OLFML2A: variants seen among roughly 807,000 people sequenced by gnomAD.
OLFML2A encodes the protein olfactomedin-like protein 2A.
A neutral mutation model predicts 60.9 loss-of-function variants in OLFML2A; 47 were observed. The observed-to-expected ratio is 0.77, with a 90% CI of 0.61 to 0.98. The LOEUF is 0.98. Ranked by LOEUF, OLFML2A falls within the 50% of genes least tolerant of loss-of-function variation. OLFML2A has a pLI of 0.00. For synonymous variants in OLFML2A, 372 were observed against 375.0 expected (o/e 0.99, Z 0.09); for missense variants, 922 against 879.8 (o/e 1.05, Z -0.61).
rs1842065628 is a variant in OLFML2A at position 124,813,789 on chromosome 9, G to A, written c.*3377G>A. 1 of 151,296 alleles carries A rather than the reference G, an allele frequency of 6.6e-6. No homozygotes were observed. The highest frequency in any genetic ancestry group is 2.4e-5 in the African/African-American group (1 of 41,434). The allele number at this position is 151,296 out of a possible 1,614,324, so 9.4% of individuals were successfully genotyped here. The stretch of plus-strand genomic sequence containing the variant: ...GAGGAAGGGAAAGGTTTTTCTTGTA[G>A]GGAACTGGAACCAGCCCACAACTGC... On this transcript the variant is annotated 3_prime_UTR_variant, in exon 8 of 8. Transcript: ENST00000373580.
intron 1 of OLFML2A, among the ~76,000 whole-genome samples, chr9:124,778,309 C>G (rs1274654232): frequency 6.6e-6 from 1 of 150,618 alleles, no homozygotes; most frequent in Non-Finnish European, 1.5e-5. Flanking sequence ...TGCAGTGAGC[C>G]GAGATCGCGC....
chr9:124,801,170 T>C, intron 4 of OLFML2A: 4 of 1,091,512 alleles, frequency 3.7e-6, no homozygotes, highest in Non-Finnish European at 5.3e-6. Context: ...GACAGGAATC[T>C]AACCTATCAG....
chr9:124,787,302 C>T, intron 2 of OLFML2A, 64 bp downstream of exon 2: 2 of 1,506,404 alleles, frequency 1.3e-6, no homozygotes, highest in Non-Finnish European at 1.8e-6. Flanking sequence ...GCTGTCCTGC[C>T]AGTGAAAATT....
intron 3 of OLFML2A, among the ~76,000 whole-genome samples, 196 bp from the exon 4 acceptor site, chr9:124,799,089 T>A (rs768209244): frequency 2.6e-5 from 4 of 152,240 alleles, no homozygotes; most frequent in Non-Finnish European, 5.9e-5. Context: ...ATTCCTTCAC[T>A]TTTTAAATTT....
At chr9:124,786,437 C>G (rs1588879230) in intron 1 of OLFML2A, among the ~76,000 whole-genome samples, 2 of 151,216 alleles carry the variant, frequency 1.3e-5, no homozygotes, top group East Asian at 3.9e-4. Flanking sequence ...AATACACGCA[C>G]GGGCCGGGCG....
chr9:124,809,678 C>A, intron 7 of OLFML2A, 130 bp from the exon 8 acceptor site: 1 of 1,050,522 alleles, frequency 9.5e-7, no homozygotes, highest in Non-Finnish European at 1.4e-6. Flanking sequence ...GTCATCCCAG[C>A]TCCAGGCACA....
intron 1 of OLFML2A, among the ~76,000 whole-genome samples, chr9:124,781,012 G>A (rs936897139): frequency 1.4e-4 from 21 of 152,176 alleles, no homozygotes; most frequent in Non-Finnish European, 2.2e-4. Flanking sequence ...GCTCCCAGGT[G>A]CACCCCCAGG....
At chr9:124,785,390 C>CT (rs1171618111) in intron 1 of OLFML2A, among the ~76,000 whole-genome samples, 1,397 of 62,188 alleles carry the variant, frequency 0.022, 57 homozygotes, top group African/African-American at 0.043. Flanking sequence ...CATTTTCTTT[C>CT]TTTTTTTTTT....
chr9:124,807,584 C>T (rs13289070), intron 6 of OLFML2A, among the ~76,000 whole-genome samples, 197 bp from the exon 7 acceptor site: 59,933 of 152,132 alleles, frequency 0.39, 13,444 homozygotes, highest in Non-Finnish European at 0.52. Flanking sequence ...CGCCTGGCCT[C>T]CATTCTGCTT....
chr9:124,807,082 TA>T (rs71492424), intron 6 of OLFML2A, among the ~76,000 whole-genome samples: 4 of 148,640 alleles, frequency 2.7e-5, no homozygotes, highest in African/African-American at 4.9e-5. Flanking sequence ...CTCAGCTAAT[TA>T]AAAAAATTTT....
Position 124,777,448 on chromosome 9 carries a change from C to G in OLFML2A, c.90+88C>G. On this transcript the variant is annotated intron_variant, in intron 1 of 7. Coordinates refer to ENST00000373580, the MANE Select transcript of OLFML2A (RefSeq NM_182487.4). The surrounding 1 kb of genome is among the most constrained non-coding windows in gnomAD (Gnocchi z 6.2). ...CTGGGGTGCGGCCCGGGAGGGAGCC[C>G]GGGGCCAGGGCGGAGGAGCCGGGAG... 2 of 1,184,012 alleles carry G rather than the reference C, an allele frequency of 1.7e-6. No individual in the cohort carries two copies. The highest frequency in any genetic ancestry group is 1.1e-6 in the Non-Finnish European group (1 of 949,734). The allele number at this position is 1,184,012 out of a possible 1,614,324, so 73.3% of individuals were successfully genotyped here. A position where few individuals can be genotyped will look rare whatever the true frequency, so the allele number is the denominator to read the frequency against.
chr9:124,795,120 A>C lies in OLFML2A; in HGVS notation c.451A>C (p.Thr151Pro). 1 of 1,588,548 alleles carries C rather than the reference A, an allele frequency of 6.3e-7. No homozygotes were observed. Among genetic ancestry groups the C allele is most frequent in the East Asian group, 2.2e-5 (1 of 44,462 alleles). ...CCACAAGGTGGCCTCCCAGATGAAC[A>C]CACTGGAAGAGGTAAGGGCGGGGCT... Reference protein sequence around the residue: ...YVHKVASQMNTLEESIKANLS... With the variant: ...YVHKVASQMNPLEESIKANLS... Residue 151 changes from threonine (T) to proline (P), a missense_variant, in exon 3 of 8, where the codon ACA becomes CCA. Physicochemically the swap from Thr to Pro is conservative, Grantham distance 38. Transcript: ENST00000373580.
At chr9:124,807,751 T>C (rs747951410) in intron 6 of OLFML2A, 30 bp from the exon 7 acceptor site, 8 of 1,584,526 alleles carry the variant, frequency 5.0e-6, no homozygotes, top group Non-Finnish European at 6.9e-6. Flanking sequence ...GGGGTCTGTG[T>C]ACCGATGCTG....
chr9:124,804,176 C>G lies in OLFML2A; in HGVS notation c.1002C>G (p.Ser334=). ...EGRSNSAEPN[S]AEQDEAEPRS... ...GGTCCAACTCCGCAGAGCCCAACTC[C>G]GCAGAGCAGGATGAGGCTGAGCCCA... is the stretch of plus-strand genomic sequence containing the variant. Residue 334 remains serine (S), a synonymous_variant, in exon 6 of 8, where the codon TCC becomes TCG. Coordinates refer to ENST00000373580, the MANE Select transcript of OLFML2A (RefSeq NM_182487.4). 6.2e-7 allele frequency: 1 copy of G among 1,614,088 alleles called. No individual in the cohort carries two copies.
chr9:124,794,123 G>A (rs1841620010), intron 2 of OLFML2A, among the ~76,000 whole-genome samples: 1 of 152,224 alleles, frequency 6.6e-6, no homozygotes, highest in East Asian at 1.9e-4. Context: ...ATCCAAGTGA[G>A]GGTGTGGTCT....
At chr9:124,803,217 A>G (rs1292555748) in intron 5 of OLFML2A, among the ~76,000 whole-genome samples, 1 of 152,020 alleles carries the variant, frequency 6.6e-6, no homozygotes, top group Non-Finnish European at 1.5e-5. Flanking sequence ...CCGGTGTCAC[A>G]AAAGTGTAAA....
At position 124,787,190 on chromosome 9, in the gene OLFML2A, C is replaced by G; in HGVS notation, c.306C>G (p.Asn102Lys). Residue 102 changes from asparagine (N) to lysine (K), a missense_variant, in exon 2 of 8, where the codon AAC (asparagine) becomes AAG (lysine). Asn to Lys is a moderately conservative substitution (Grantham distance 94). Transcript: ENST00000373580. ...CCTCCTCTCTCAACCCCTGTGAGAA[C>G]GAGTGGAAGATGGAGAAACTCAAAA... ...APPSSLNPCENEWKMEKLKKQ... is the reference protein window; with the variant it reads ...APPSSLNPCEKEWKMEKLKKQ... 6.2e-7 allele frequency: 1 copy of G among 1,614,130 alleles called. No homozygotes were observed. Among genetic ancestry groups the G allele is most frequent in the East Asian group, 2.2e-5 (1 of 44,884 alleles).
At chr9:124,788,456 A>C (rs1430903119) in intron 2 of OLFML2A, among the ~76,000 whole-genome samples, 1 of 151,660 alleles carries the variant, frequency 6.6e-6, no homozygotes, top group Non-Finnish European at 1.5e-5. Context: ...AAATACAAAA[A>C]TTAACCCCGC....
chr9:124,780,484 T>C (rs919586079), intron 1 of OLFML2A, among the ~76,000 whole-genome samples: 1 of 152,156 alleles, frequency 6.6e-6, no homozygotes, highest in Non-Finnish European at 1.5e-5. Flanking sequence ...TGTCCGGGGC[T>C]GGATCAGATG....
Sources: gnomAD v4.1 joint callset for allele counts (sites outside exome capture counted in the v4.1 genomes callset) on GRCh38, gnomAD v4.1.1 for gene constraint, Gnocchi (gnomAD v3.1) non-coding constraint, MANE v1.5 for transcripts, NCBI Gene and HGNC (gene_info 2026-07-23, HGNC 2026-07-21) for gene names.